TRAF3: variants seen among roughly 807,000 people sequenced by gnomAD.
The protein encoded by TRAF3 is TNF receptor associated factor 3.
Under a neutral mutation model 62.3 loss-of-function variants are expected in TRAF3, and 13 were observed. The ratio of observed to expected loss-of-function variants is 0.21; its 90% CI spans 0.14 to 0.33. The LOEUF is 0.33. Among genes scored for constraint, TRAF3 ranks in the 10% least tolerant of loss-of-function variants. The pLI is 1.00. For synonymous variants in TRAF3, 269 were observed against 283.4 expected, an observed-to-expected ratio of 0.95 and a Z score of 0.51; for missense variants, 440 against 741.8, an observed-to-expected ratio of 0.59 and a Z score of 4.73.
intron 9 of TRAF3, chr14:102,895,229 A>G: frequency 2.5e-6 from 1 of 393,120 alleles, no homozygotes; most frequent in Non-Finnish European, 5.2e-6. Context: ...TCATGGACGT[A>G]TGAGGCAAGG....
chr14:102,831,352 A>G (rs113778957), intron 2 of TRAF3, among the ~76,000 whole-genome samples: 40 of 152,316 alleles, frequency 2.6e-4, no homozygotes, highest in African/African-American at 9.6e-4. Context: ...TAACAAGGTG[A>G]CTTCTGTTTT....
At chr14:102,786,005 G>A (rs538462582) in intron 1 of TRAF3, among the ~76,000 whole-genome samples, 1 of 152,322 alleles carries the variant, frequency 6.6e-6, no homozygotes, top group East Asian at 1.9e-4. Flanking sequence ...CTCTAGGGTT[G>A]AGACGACAAG....
chr14:102,805,813 T>C (rs146900707), intron 1 of TRAF3, among the ~76,000 whole-genome samples: 178 of 152,370 alleles, frequency 1.2e-3, no homozygotes, highest in African/African-American at 3.7e-3. Context: ...TTTGATGTCA[T>C]GGTTCAAAAC....
At chr14:102,893,585 T>G (rs1279338660) in intron 9 of TRAF3, among the ~76,000 whole-genome samples, 1 of 152,134 alleles carries the variant, frequency 6.6e-6, no homozygotes, top group Admixed American at 6.5e-5. Context: ...TGAAAGTGAA[T>G]GGTTTGCATC....
At chr14:102,886,138 A>T (rs1216870790) in intron 6 of TRAF3, 51 bp from the exon 7 acceptor site, 1 of 1,596,680 alleles carries the variant, frequency 6.3e-7, no homozygotes, top group Non-Finnish European at 8.6e-7. Context: ...AGCGGGACTG[A>T]AGGAAGACAG....
intron 10 of TRAF3, among the ~76,000 whole-genome samples, chr14:102,899,531 C>G (rs1029440664): frequency 7.2e-5 from 11 of 152,310 alleles, no homozygotes; most frequent in Non-Finnish European, 7.4e-5. Flanking sequence ...AAAGTGGACC[C>G]GCTCATTGTT....
chr14:102,816,372 C>A (rs1293346861), intron 1 of TRAF3, among the ~76,000 whole-genome samples: 1 of 152,072 alleles, frequency 6.6e-6, no homozygotes, highest in Non-Finnish European at 1.5e-5. Context: ...CAAAGTGCTA[C>A]GATTACATGC....
intron 1 of TRAF3, among the ~76,000 whole-genome samples, chr14:102,823,385 G>A (rs1299790126): frequency 1.3e-5 from 2 of 152,124 alleles, no homozygotes; most frequent in Non-Finnish European, 2.9e-5. Flanking sequence ...GTGTTGATAA[G>A]TTCCATAGCG....
intron 1 of TRAF3, among the ~76,000 whole-genome samples, chr14:102,801,059 G>T (rs1277332718): frequency 6.6e-6 from 1 of 152,088 alleles, no homozygotes; most frequent in Admixed American, 6.5e-5. Flanking sequence ...CCAGCTACTC[G>T]GGAGGCTGAG....
intron 1 of TRAF3, among the ~76,000 whole-genome samples, chr14:102,781,760 G>A (rs997647112): frequency 5.3e-5 from 8 of 151,494 alleles, no homozygotes; most frequent in African/African-American, 1.9e-4. Context: ...CCGAGTAGCT[G>A]GGATTACAGG....
intron 2 of TRAF3, among the ~76,000 whole-genome samples, chr14:102,837,141 T>TG (rs1319443625): frequency 1.7e-5 from 2 of 114,712 alleles, no homozygotes; most frequent in Non-Finnish European, 1.9e-5. Context: ...TGTGTGTGTG[T>TG]GTTTTTTTTG....
chr14:102,903,276 G>A lies in TRAF3; in HGVS notation c.982G>A (p.Glu328Lys). 1 of 1,614,238 alleles carries A rather than the reference G, an allele frequency of 6.2e-7. No individual in the cohort carries two copies. Among genetic ancestry groups the A allele is most frequent in the Non-Finnish European group, 8.5e-7 (1 of 1,180,036 alleles). ...GAAGCGAGTGATAGACAGCCAAGCA[G>A]AGAAACTGAAGGAGCTTGACAAGGA... ...HLQRVIDSQA[E>K]KLKELDKEIR... Residue 328 changes from glutamate to lysine, a missense_variant, in exon 11 of 12, where the codon GAG (glutamate) becomes AAG (lysine). By Grantham distance (56) the Glu-to-Lys change is moderately conservative. Transcript: ENST00000392745. This position sits in a 1 kb window ranked among gnomAD's most constrained non-coding sequence, Gnocchi z 6.4.
At chr14:102,817,842 T>C (rs1335381073) in intron 1 of TRAF3, among the ~76,000 whole-genome samples, 1 of 152,262 alleles carries the variant, frequency 6.6e-6, no homozygotes, top group East Asian at 1.9e-4. Flanking sequence ...TTGTTAAGTC[T>C]CACCCAAGTG....
chr14:102,797,466 G>A (rs138671755), intron 1 of TRAF3, among the ~76,000 whole-genome samples: 86 of 152,226 alleles, frequency 5.6e-4, no homozygotes, highest in African/African-American at 1.8e-3. Context: ...AGAGGCAGGA[G>A]GAAGAGGAGG....
At chr14:102,847,853 G>A (rs1469978272) in intron 2 of TRAF3, among the ~76,000 whole-genome samples, 1 of 152,050 alleles carries the variant, frequency 6.6e-6, no homozygotes, top group African/African-American at 2.4e-5. Flanking sequence ...TTTGGTTTGT[G>A]TCTGACCTTA....
chr14:102,911,058 A>C lies in TRAF3; in HGVS notation c.*5274A>C, dbSNP rs1595424043. ...GCCGGTGCCTCTGTTCGGTTCTGTTACCCAAAAACAAAGACCAAAGAAGGC... is the reference window on the plus strand; with the variant it reads ...GCCGGTGCCTCTGTTCGGTTCTGTTCCCCAAAAACAAAGACCAAAGAAGGC... On this transcript the variant is annotated 3_prime_UTR_variant, in exon 12 of 12. Transcript: ENST00000392745. 6.6e-6 allele frequency: 1 copy of C among 152,174 alleles called. No homozygotes were observed. Among genetic ancestry groups the C allele is most frequent in the East Asian group, 1.9e-4 (1 of 5,194 alleles). 9.4% of individuals were successfully genotyped at this position (152,174 alleles called of 1,614,324 possible). A position where few individuals can be genotyped will look rare whatever the true frequency, so the allele number is the denominator to read the frequency against.
intron 7 of TRAF3, 65 bp downstream of exon 7, chr14:102,886,334 T>TCACTG: frequency 7.2e-7 from 1 of 1,397,096 alleles, no homozygotes; most frequent in Non-Finnish European, 9.9e-7. Flanking sequence ...TGGCTCCCCT[T>TCACTG]CCCTGCATAG....
chr14:102,891,441 C>T, intron 9 of TRAF3, 24 bp downstream of exon 9: 2 of 1,596,136 alleles, frequency 1.3e-6, no homozygotes, highest in Non-Finnish European at 1.7e-6. Flanking sequence ...TTTCCTGCTG[C>T]TATGGGATTT....
At chr14:102,797,738 T>TC (rs1012652688) in intron 1 of TRAF3, among the ~76,000 whole-genome samples, 2 of 136,836 alleles carry the variant, frequency 1.5e-5, no homozygotes, top group African/African-American at 5.4e-5. Context: ...TCTTTTTCTT[T>TC]CTTTTTTTTT....
Sources: allele counts gnomAD v4.1 joint callset (sites outside exome capture counted in the v4.1 genomes callset), GRCh38; gene constraint gnomAD v4.1.1; non-coding constraint Gnocchi (gnomAD v3.1); transcripts MANE v1.5; gene names NCBI Gene and HGNC (gene_info 2026-07-23, HGNC 2026-07-21).